The following VPS54 variants were observed in gnomAD, a reference collection of about 807,000 sequenced individuals.
VPS54 encodes vacuolar protein sorting-associated protein 54.
A neutral mutation model predicts 121.5 loss-of-function variants in VPS54; 45 were observed. That is an observed-to-expected ratio of 0.37 (90% CI 0.29 to 0.47). VPS54 has a LOEUF of 0.47. Among genes scored for constraint, VPS54 ranks in the 20% least tolerant of loss-of-function variants. VPS54 has a pLI of 0.99. For synonymous variants in VPS54, 371 were observed against 385.8 expected, an observed-to-expected ratio of 0.96 and a Z score of 0.45; for missense variants, 1,090 against 1,131.4, an observed-to-expected ratio of 0.96 and a Z score of 0.52.
At chr2:63,990,919 G>A (rs1385459181) in intron 1 of VPS54, among the ~76,000 whole-genome samples, 1 of 152,126 alleles carries the variant, frequency 6.6e-6, no homozygotes, top group Non-Finnish European at 1.5e-5. Context: ...TTTTTGTACT[G>A]AGGTCATTTT....
Position 63,944,611 on chromosome 2 carries a change from ATC to A in VPS54, c.1288_1289del (p.Asp430CysfsTer19). 6.2e-7 allele frequency: 1 copy of A among 1,610,132 alleles called. No homozygotes were observed. Among genetic ancestry groups the A allele is most frequent in the East Asian group, 2.2e-5 (1 of 44,784 alleles). ...KVSQTEEIDTDVVVKLADQMR... is the reference protein window; with the variant it reads ...KVSQTEEIDTXVVVKLADQMR... ...ATATTTATACTTACTTCACAACAACATCTGTGTCTATTTCTTCTGTTTGTGAA... is the reference window on the plus strand; with the variant it reads ...ATATTTATACTTACTTCACAACAACATGTGTCTATTTCTTCTGTTTGTGAA... On this transcript the variant is annotated frameshift_variant, in exon 10 of 23. Coordinates refer to ENST00000272322, the MANE Select transcript of VPS54 (RefSeq NM_016516.3). LOFTEE classifies it high-confidence loss of function.
intron 1 of VPS54, among the ~76,000 whole-genome samples, chr2:63,985,903 G>C (rs1317771985): frequency 1.3e-5 from 2 of 152,130 alleles, no homozygotes; most frequent in East Asian, 1.9e-4. Context: ...ATATTTAAGA[G>C]AGATAAACAT....
chr2:63,989,059 G>T (rs998186719), intron 1 of VPS54, among the ~76,000 whole-genome samples: 2 of 152,162 alleles, frequency 1.3e-5, no homozygotes, highest in African/African-American at 4.8e-5. Context: ...CGCAGTTGTA[G>T]ATAGGGATGA....
chr2:63,958,654 A>G (rs1387193945), intron 7 of VPS54, among the ~76,000 whole-genome samples: 2 of 152,146 alleles, frequency 1.3e-5, no homozygotes, highest in Non-Finnish European at 2.9e-5. Context: ...GTTCAAGGCT[A>G]TAGTTGAGCT....
intron 12 of VPS54, among the ~76,000 whole-genome samples, chr2:63,931,556 A>G (rs1047942174): frequency 6.6e-6 from 1 of 152,246 alleles, no homozygotes; most frequent in Non-Finnish European, 1.5e-5. Flanking sequence ...AAACTCCTAG[A>G]AGAAAACCTG....
chr2:63,962,625 C>T (rs986447977), intron 6 of VPS54, among the ~76,000 whole-genome samples, 182 bp from the exon 7 acceptor site: 1 of 152,084 alleles, frequency 6.6e-6, no homozygotes, highest in African/African-American at 2.4e-5. Context: ...AGGGTACACC[C>T]CAAAGATATA....
intron 5 of VPS54, among the ~76,000 whole-genome samples, chr2:63,968,404 T>C (rs1427989358): frequency 2.6e-5 from 4 of 151,586 alleles, no homozygotes; most frequent in Admixed American, 6.6e-5. Context: ...AAAACATTTT[T>C]TCGTTTAAAA....
intron 1 of VPS54, among the ~76,000 whole-genome samples, chr2:63,985,341 AAAT>A (rs1676998728): frequency 6.6e-6 from 1 of 152,074 alleles, no homozygotes; most frequent in East Asian, 1.9e-4. Flanking sequence ...AATAAATAAA[AAAT>A]AAGGAGCAGA....
intron 9 of VPS54, among the ~76,000 whole-genome samples, chr2:63,945,275 C>G (rs1674924953): frequency 6.6e-6 from 1 of 152,152 alleles, no homozygotes; most frequent in African/African-American, 2.4e-5. Context: ...TTATCCTTAG[C>G]AAACTAACAC....
chr2:64,016,605 T>C lies in VPS54; in HGVS notation c.-21+2333A>G, dbSNP rs543719617. Among the ~76,000 whole-genome samples the C allele has an allele frequency of 1.0e-4, 11 of 110,426 alleles. No homozygotes were observed. In the Admixed American group the frequency reaches 1.2e-3, roughly 12 times the overall value. The allele number at this position is 110,426 out of a possible 152,430, so 72.4% of individuals were successfully genotyped here. A position where few individuals can be genotyped will look rare whatever the true frequency, so the allele number is the denominator to read the frequency against. ...TTATTTAATCTAAAAACCACTGAAT[T>C]GTATATTTTTTTTTTTTTTTTGAGA... On this transcript the variant is annotated intron_variant, in intron 1 of 22. Coordinates refer to ENST00000272322, the MANE Select transcript of VPS54 (RefSeq NM_016516.3).
At position 63,920,498 on chromosome 2, in the gene VPS54, G is replaced by C; in HGVS notation, c.1999C>G (p.Gln667Glu). ...STSLLGALQSQAIKFVNRFHE... is the reference protein window; with the variant it reads ...STSLLGALQSEAIKFVNRFHE... Reference sequence around the variant, plus strand: ...AACCTATTTACAAACTTAATAGCTTGGCTCTGAAGTGCTCCAAGTAATGAC... The same window carrying C: ...AACCTATTTACAAACTTAATAGCTTCGCTCTGAAGTGCTCCAAGTAATGAC... The change falls in exon 14 of 23, where the codon CAA becomes GAA. Residue 667 changes from glutamine (Q) to glutamate (E), a missense_variant. Gln to Glu is a conservative substitution (Grantham distance 29). Transcript: ENST00000272322. The C allele has an allele frequency of 1.9e-6, 3 of 1,571,216 alleles. No individual in the cohort carries two copies. Among genetic ancestry groups the C allele is most frequent in the Non-Finnish European group, 2.6e-6 (3 of 1,159,358 alleles).
At position 63,921,320 on chromosome 2, in the gene VPS54, C is replaced by A; in HGVS notation, c.1755G>T (p.Met585Ile). The part of the protein sequence containing the change: ...GGVDIMVSED[M>I]KLTDSELGKL... ...TTCCTAGCTCTGAGTCAGTTAATTT[C>A]ATATCTTCACTGACCCTGAAAATAA... Residue 585 changes from methionine to isoleucine, a missense_variant, in exon 13 of 23, where the codon ATG (methionine) becomes ATT (isoleucine). Met to Ile is a conservative substitution (Grantham distance 10). Transcript: ENST00000272322. The A allele has an allele frequency of 1.2e-6, 2 of 1,612,158 alleles. No homozygotes were observed. Among genetic ancestry groups the A allele is most frequent in the Non-Finnish European group, 1.7e-6 (2 of 1,178,914 alleles).
At chr2:64,005,278 T>G (rs1484549530) in intron 1 of VPS54, among the ~76,000 whole-genome samples, 1 of 150,674 alleles carries the variant, frequency 6.6e-6, no homozygotes, top group Non-Finnish European at 1.5e-5. Context: ...TAATTTTTTG[T>G]ATTTTTAGTA....
chr2:63,976,808 A>G (rs907531053), intron 3 of VPS54, among the ~76,000 whole-genome samples: 1 of 145,974 alleles, frequency 6.9e-6, no homozygotes, highest in East Asian at 2.0e-4. Flanking sequence ...TTTTGATACT[A>G]GTAGCTTATA....
chr2:63,934,770 A>G (rs911841100), intron 11 of VPS54, among the ~76,000 whole-genome samples: 2 of 152,186 alleles, frequency 1.3e-5, no homozygotes, highest in Admixed American at 1.3e-4. Context: ...ATTCCATGAC[A>G]CTGTAATCCT....
intron 20 of VPS54, among the ~76,000 whole-genome samples, chr2:63,911,972 CAAG>C (rs1673169232): frequency 6.6e-6 from 1 of 152,070 alleles, no homozygotes; most frequent in Admixed American, 6.5e-5. Context: ...GAAAAACAAA[CAAG>C]AAATGAATGT....
At chr2:63,906,932 A>G (rs1212650607) in intron 20 of VPS54, among the ~76,000 whole-genome samples, 1 of 152,228 alleles carries the variant, frequency 6.6e-6, no homozygotes, top group Non-Finnish European at 1.5e-5. Context: ...GTGAGCTCAC[A>G]TTATCTTATT....
At chr2:63,899,622 G>A (rs779179889) in intron 20 of VPS54, 41 bp from the exon 21 acceptor site, 3 of 1,518,598 alleles carry the variant, frequency 2.0e-6, no homozygotes, top group African/African-American at 1.4e-5. Context: ...CATGTCCTCT[G>A]AATTGCATAA....
At chr2:63,952,371 T>C (rs1012670670) in intron 7 of VPS54, among the ~76,000 whole-genome samples, 4 of 152,208 alleles carry the variant, frequency 2.6e-5, no homozygotes, top group African/African-American at 7.2e-5. Context: ...AAAAATGTTT[T>C]AAGCTCTATT....
Sources: gnomAD v4.1 joint callset for allele counts (sites outside exome capture counted in the v4.1 genomes callset) on GRCh38, gnomAD v4.1.1 for gene constraint, MANE v1.5 for transcripts, NCBI Gene and HGNC (gene_info 2026-07-23, HGNC 2026-07-21) for gene names.